SLC10A7: variants seen among roughly 807,000 people sequenced by gnomAD.
The protein encoded by SLC10A7 is sodium/bile acid cotransporter 7.
Under a neutral mutation model 43.2 loss-of-function variants are expected in SLC10A7, and 29 were observed. The ratio of observed to expected loss-of-function variants is 0.67; its 90% CI spans 0.50 to 0.92. The LOEUF (loss-of-function observed/expected upper bound fraction) is 0.92, where lower values mean the gene tolerates loss of function less well. SLC10A7 is among the 40% of genes least tolerant of loss of function. The pLI, the probability that SLC10A7 is intolerant of heterozygous loss-of-function variation, is 0.00. For synonymous variants in SLC10A7, 152 were observed against 144.8 expected (o/e 1.05, Z -0.35); for missense variants, 295 against 403.2 (o/e 0.73, Z 2.30).
chr4:146,306,610 C>T (rs574765874), intron 6 of SLC10A7, among the ~76,000 whole-genome samples: 2 of 152,160 alleles, frequency 1.3e-5, no homozygotes, highest in Admixed American at 1.3e-4. Context: ...TATTTTTCTT[C>T]TTCCTCATTT....
chr4:146,380,773 C>G (rs1451579819), intron 5 of SLC10A7, among the ~76,000 whole-genome samples: 1 of 151,674 alleles, frequency 6.6e-6, no homozygotes, highest in Non-Finnish European at 1.5e-5. Context: ...TTTTCTTTTC[C>G]TTTTCCTTTT....
intron 4 of SLC10A7, among the ~76,000 whole-genome samples, chr4:146,487,704 T>C (rs759883248): frequency 7.9e-5 from 12 of 152,168 alleles, no homozygotes; most frequent in Non-Finnish European, 1.5e-4. Context: ...ACCAGAATAA[T>C]ATAAAAGCAG....
At chr4:146,431,344 T>TA (rs1281638861) in intron 5 of SLC10A7, among the ~76,000 whole-genome samples, 4 of 152,188 alleles carry the variant, frequency 2.6e-5, no homozygotes, top group Admixed American at 6.5e-5. Flanking sequence ...TAACAAGTGA[T>TA]ACGATAATCA....
intron 6 of SLC10A7, among the ~76,000 whole-genome samples, chr4:146,313,851 A>T (rs1732146433): frequency 6.6e-6 from 1 of 152,128 alleles, no homozygotes; most frequent in South Asian, 2.1e-4. Context: ...TCTTCTCTAA[A>T]TTTCTTCCAT....
In SLC10A7 at chr4:146,470,087, G is replaced by T. The variant is rs12510429; in HGVS notation, c.397-27266C>A. ...ACATTTGAGGTAGATGTATAAATAC[G>T]TTCTGACAACAGGCAGCATACAGAG... On this transcript the variant is annotated intron_variant, in intron 4 of 11. Coordinates refer to ENST00000335472, the MANE Select transcript of SLC10A7 (RefSeq NM_001029998.6). Among the ~76,000 whole-genome samples the T allele has an allele frequency of 1.8e-3, 268 of 152,266 alleles. 4 individuals carry two copies. The East Asian group carries it at 0.019, about 11-fold the overall frequency.
At position 146,268,011 on chromosome 4, in the gene SLC10A7, T is replaced by C. The variant is rs182188722; in HGVS notation, c.848-9174A>G. On this transcript the variant is annotated intron_variant, in intron 10 of 11. Coordinates refer to ENST00000335472, the MANE Select transcript of SLC10A7 (RefSeq NM_001029998.6). ...CTGAAAAGTGTCTTAGGGTGATCTC[T>C]GTGGGTGGCATATGAGGGAAAGGAA... Among the ~76,000 whole-genome samples the C allele has an allele frequency of 7.3e-4, 111 of 152,248 alleles. 1 individual carries two copies. The highest frequency in any genetic ancestry group is 1.2e-3 in the Non-Finnish European group (83 of 68,014).
chr4:146,498,388 G>T (rs1222044212), intron 4 of SLC10A7, among the ~76,000 whole-genome samples: 7 of 152,058 alleles, frequency 4.6e-5, no homozygotes, highest in Non-Finnish European at 1.0e-4. Flanking sequence ...AAAGTCCTGG[G>T]ATTACAGACA....
At chr4:146,498,361 C>T (rs1248890584) in intron 4 of SLC10A7, among the ~76,000 whole-genome samples, 2 of 151,872 alleles carry the variant, frequency 1.3e-5, no homozygotes, top group Non-Finnish European at 2.9e-5. Flanking sequence ...CAGGTGATCC[C>T]CCAGCCTCGG....
At chr4:146,328,129 A>AC (rs2149710075) in intron 5 of SLC10A7, among the ~76,000 whole-genome samples, 2 of 151,840 alleles carry the variant, frequency 1.3e-5, no homozygotes, top group South Asian at 4.2e-4. Context: ...ACCAACATAC[A>AC]CCCTCTAGGG....
rs1024022594 is a variant in SLC10A7, at chr4:146,488,888, C to T, written c.396+14961G>A. Among the ~76,000 whole-genome samples, 5 of 152,148 alleles carry T rather than the reference C, an allele frequency of 3.3e-5. No individual in the cohort carries two copies. In the East Asian group the frequency reaches 9.6e-4, roughly 29 times the overall value. On this transcript the variant is annotated intron_variant, in intron 4 of 11. Transcript: ENST00000335472. ...TTAATAATACATATTTAAATCAATA[C>T]ACTTATAAGGCTAGACAAATTTCTT... is the stretch of plus-strand genomic sequence containing the variant.
chr4:146,474,911 A>G (rs1319652357), intron 4 of SLC10A7, among the ~76,000 whole-genome samples: 1 of 152,120 alleles, frequency 6.6e-6, no homozygotes, highest in African/African-American at 2.4e-5. Flanking sequence ...GAAATAAGCC[A>G]CATCTTCATT....
intron 4 of SLC10A7, among the ~76,000 whole-genome samples, chr4:146,496,708 A>G (rs1579338925): frequency 6.6e-6 from 1 of 152,220 alleles, no homozygotes; most frequent in South Asian, 2.1e-4. Flanking sequence ...ATAAAAATAT[A>G]GTTTTCCCTG....
intron 5 of SLC10A7, among the ~76,000 whole-genome samples, chr4:146,383,836 AATACTTAGGTAG>A (rs1225664452): frequency 6.6e-6 from 1 of 152,182 alleles, no homozygotes; most frequent in Non-Finnish European, 1.5e-5. Context: ...AATAATAGCC[AATACTTAGGTAG>A]CTACTAATTA....
chr4:146,360,178 C>T (rs906844416), intron 5 of SLC10A7, among the ~76,000 whole-genome samples: 5 of 152,086 alleles, frequency 3.3e-5, no homozygotes, highest in African/African-American at 9.7e-5. Context: ...TTTGCTTCTC[C>T]TTATTCTCAC....
Position 146,258,854 on chromosome 4 carries a change from A to C in SLC10A7, c.848-17T>G. Reference sequence around the variant, plus strand: ...TCGGAATTCCTGTTGAACAAAGAAGACAGAAAACCTAAACCAAATTCAGTC... The same window carrying C: ...TCGGAATTCCTGTTGAACAAAGAAGCCAGAAAACCTAAACCAAATTCAGTC... On this transcript the variant is annotated splice_polypyrimidine_tract_variant and intron_variant, in intron 10 of 11. Transcript: ENST00000335472. 1.3e-6 allele frequency: 2 copies of C among 1,598,902 alleles called. No individual in the cohort carries two copies. The highest frequency in any genetic ancestry group is 1.7e-6 in the Non-Finnish European group (2 of 1,176,168).
intron 8 of SLC10A7, 56 bp downstream of exon 8, chr4:146,293,874 C>T (rs10032088): frequency 0.12 from 152,633 of 1,266,390 alleles, 9,509 homozygotes; most frequent in South Asian, 0.13. Flanking sequence ...CACAGTGCTA[C>T]GCGTTGCTAT....
At chr4:146,276,064 GA>G (rs1261567453) in intron 10 of SLC10A7, among the ~76,000 whole-genome samples, 4 of 152,134 alleles carry the variant, frequency 2.6e-5, no homozygotes, top group Non-Finnish European at 4.4e-5. Flanking sequence ...TAGACTATGG[GA>G]TTTGCCAGAT....
At chr4:146,454,976 A>G (rs1034563050) in intron 4 of SLC10A7, among the ~76,000 whole-genome samples, 3 of 151,948 alleles carry the variant, frequency 2.0e-5, no homozygotes, top group African/African-American at 7.2e-5. Flanking sequence ...ACTTACTTAA[A>G]ATGTTATATA....
intron 5 of SLC10A7, among the ~76,000 whole-genome samples, chr4:146,386,442 T>C (rs901776924): frequency 9.2e-5 from 14 of 152,196 alleles, no homozygotes; most frequent in Non-Finnish European, 1.6e-4. Context: ...TTACCAGTCA[T>C]TAACATTTTG....
Sources: allele counts gnomAD v4.1 joint callset (sites outside exome capture counted in the v4.1 genomes callset), GRCh38; gene constraint gnomAD v4.1.1; transcripts MANE v1.5; gene names NCBI Gene and HGNC (gene_info 2026-07-23, HGNC 2026-07-21).